DCLK1: variants seen among roughly 807,000 people sequenced by gnomAD.
DCLK1 encodes doublecortin like kinase 1.
DCLK1 carries 16 observed loss-of-function variants against 86.2 expected under a neutral mutation model. The observed-to-expected ratio is 0.19, with a 90% CI of 0.13 to 0.28. DCLK1 has a LOEUF of 0.28. Ranked by LOEUF, DCLK1 falls within the 10% of genes least tolerant of loss-of-function variation. The pLI, the probability that DCLK1 is intolerant of heterozygous loss-of-function variation, is 1.00. For synonymous variants in DCLK1, 369 were observed against 370.5 expected (o/e 1.00, Z 0.05); for missense variants, 590 against 940.2 (o/e 0.63, Z 4.87).
intron 15 of DCLK1, among the ~76,000 whole-genome samples, chr13:35,800,182 A>T (rs1039025573): frequency 2.0e-5 from 3 of 152,224 alleles, no homozygotes; most frequent in Non-Finnish European, 4.4e-5. Flanking sequence ...TGGATGAAAC[A>T]GTTGTCATCT....
chr13:35,947,569 A>G (rs1877454398), intron 3 of DCLK1, 112 bp from the exon 4 acceptor site: 11 of 721,888 alleles, frequency 1.5e-5, no homozygotes, highest in Non-Finnish European at 2.2e-5. Flanking sequence ...TGGAATCAAC[A>G]GGGCAGCTTC....
At chr13:35,823,178 G>T (rs1208537271) in intron 10 of DCLK1, among the ~76,000 whole-genome samples, 1 of 152,118 alleles carries the variant, frequency 6.6e-6, no homozygotes, top group African/African-American at 2.4e-5. Context: ...GATGCAGCTA[G>T]ATCTCCAGGG....
At position 35,770,601 on chromosome 13, in the gene DCLK1, T is replaced by G. The variant is rs2086313258; in HGVS notation, c.*3934A>C. The G allele has an allele frequency of 6.6e-6, 1 of 151,956 alleles. No individual in the cohort carries two copies. The highest frequency in any genetic ancestry group is 2.1e-4 in the South Asian group (1 of 4,770). 9.4% of individuals were successfully genotyped at this position (151,956 alleles called of 1,614,324 possible). On this transcript the variant is annotated 3_prime_UTR_variant, in exon 17 of 17. Coordinates refer to ENST00000360631, the MANE Select transcript of DCLK1 (RefSeq NM_001330071.2). Reference sequence around the variant, plus strand: ...GAGTTTTGAACTGACCAACTTCAAGTCTTTTAAAATCTTTGGGCAAAAAAA... The same window carrying G: ...GAGTTTTGAACTGACCAACTTCAAGGCTTTTAAAATCTTTGGGCAAAAAAA...
chr13:35,902,950 T>C (rs1202418716), intron 4 of DCLK1, among the ~76,000 whole-genome samples: 2 of 151,930 alleles, frequency 1.3e-5, no homozygotes, highest in Admixed American at 6.6e-5. Flanking sequence ...TTCAAACAAT[T>C]AAATAATAAT....
At chr13:36,071,590 G>A (rs765195733) in intron 3 of DCLK1, among the ~76,000 whole-genome samples, 9 of 152,180 alleles carry the variant, frequency 5.9e-5, no homozygotes, top group Non-Finnish European at 1.2e-4. Flanking sequence ...TTACCAGGAA[G>A]TATGGGTGTT....
intron 16 of DCLK1, among the ~76,000 whole-genome samples, chr13:35,792,891 C>A (rs1228170679): frequency 1.3e-5 from 2 of 152,194 alleles, no homozygotes; most frequent in Non-Finnish European, 2.9e-5. Context: ...AATTCAATTT[C>A]ACTGAAAATC....
intron 16 of DCLK1, chr13:35,787,833 T>C (rs2086649497): frequency 9.5e-6 from 3 of 316,074 alleles, no homozygotes; most frequent in South Asian, 2.8e-5. Flanking sequence ...TATATACTTC[T>C]ATAGAACACA....
chr13:36,066,707 A>AC (rs1883763507), intron 3 of DCLK1, among the ~76,000 whole-genome samples: 1 of 126,318 alleles, frequency 7.9e-6, no homozygotes, highest in Non-Finnish European at 1.7e-5. Flanking sequence ...AAACAAATTT[A>AC]CAAGAAAAAA....
chr13:35,817,238 A>C (rs2087288882), intron 11 of DCLK1, among the ~76,000 whole-genome samples: 1 of 152,188 alleles, frequency 6.6e-6, no homozygotes. Flanking sequence ...CTCCCTGATG[A>C]AATCACAGGT....
chr13:35,854,573 G>T lies in DCLK1; in HGVS notation c.961C>A (p.Gln321Lys). 1 of 1,599,456 alleles carries T rather than the reference G, an allele frequency of 6.3e-7. No individual in the cohort carries two copies. The highest frequency in any genetic ancestry group is 8.5e-7 in the Non-Finnish European group (1 of 1,171,456). Residue 321 changes from glutamine (Q) to lysine (K), a missense_variant, in exon 6 of 17, where the codon CAG becomes AAG. Transcript: ENST00000360631. ...TSSVNGTPGS[Q>K]LSTPRSGKSP... ...TTGCCTGAGCGCGGAGTAGAGAGCT[G>T]ACTACCAGGGGTTCCATTAACTAGA...
chr13:36,089,077 T>C (rs944050176), intron 3 of DCLK1, among the ~76,000 whole-genome samples: 1 of 152,234 alleles, frequency 6.6e-6, no homozygotes, highest in Non-Finnish European at 1.5e-5. Context: ...AATTTCTATA[T>C]TCAAGTTGGA....
chr13:35,981,759 A>G (rs923509858), intron 3 of DCLK1, among the ~76,000 whole-genome samples: 1 of 152,240 alleles, frequency 6.6e-6, no homozygotes, highest in Non-Finnish European at 1.5e-5. Flanking sequence ...ACATGGGTAT[A>G]CAAATATGTC....
intron 3 of DCLK1, among the ~76,000 whole-genome samples, chr13:36,064,751 A>AAG (rs906625074): frequency 1.5e-4 from 23 of 152,182 alleles, no homozygotes; most frequent in African/African-American, 5.3e-4. Flanking sequence ...ACAAAAAAAA[A>AAG]AAGAAGAAGA....
At chr13:36,072,214 T>A (rs1290736111) in intron 3 of DCLK1, among the ~76,000 whole-genome samples, 1 of 152,202 alleles carries the variant, frequency 6.6e-6, no homozygotes, top group African/African-American at 2.4e-5. Flanking sequence ...CATCACATTT[T>A]CAGGACTCAT....
At chr13:36,102,108 C>T (rs915597740) in intron 3 of DCLK1, among the ~76,000 whole-genome samples, 5 of 151,778 alleles carry the variant, frequency 3.3e-5, no homozygotes, top group African/African-American at 1.2e-4. Flanking sequence ...CTCTTTACAA[C>T]TTATTTCTGT....
chr13:36,060,790 T>C (rs1883514181), intron 3 of DCLK1, among the ~76,000 whole-genome samples: 1 of 152,152 alleles, frequency 6.6e-6, no homozygotes, highest in Non-Finnish European at 1.5e-5. Context: ...ATCAAAGAAC[T>C]GTGCAGTTGT....
chr13:36,022,542 G>C (rs572736294), intron 3 of DCLK1, among the ~76,000 whole-genome samples: 1 of 151,870 alleles, frequency 6.6e-6, no homozygotes, highest in African/African-American at 2.4e-5. Context: ...GAGAAAAAAA[G>C]AGAGAAATCT....
chr13:35,986,561 T>G (rs1186052850), intron 3 of DCLK1, among the ~76,000 whole-genome samples: 1 of 152,132 alleles, frequency 6.6e-6, no homozygotes, highest in Non-Finnish European at 1.5e-5. Context: ...AAGCACATAC[T>G]GAGGGGTATA....
chr13:35,912,373 C>T (rs1875090665), intron 4 of DCLK1, among the ~76,000 whole-genome samples: 1 of 152,134 alleles, frequency 6.6e-6, no homozygotes, highest in Non-Finnish European at 1.5e-5. Context: ...TTTTACCAAT[C>T]GAATGTTGTC....
Sources: allele counts gnomAD v4.1 joint callset (sites outside exome capture counted in the v4.1 genomes callset), GRCh38; gene constraint gnomAD v4.1.1; transcripts MANE v1.5; gene names NCBI Gene and HGNC (gene_info 2026-07-23, HGNC 2026-07-21).